The following ARB2A variants were observed in gnomAD, a reference collection of about 807,000 sequenced individuals.
ARB2A encodes ARB2 cotranscriptional regulator A, also known as cotranscriptional regulator ARB2A.
the ARB2A span, among the ~76,000 whole-genome samples, chr5:93,972,505 A>G: frequency 6.6e-6 from 1 of 152,144 alleles, no homozygotes; most frequent in Non-Finnish European, 1.5e-5. Context: ...CAGCTCTCTT[A>G]GATGAGAATG....
chr5:93,879,203 A>G, the ARB2A span, among the ~76,000 whole-genome samples: 1 of 151,972 alleles, frequency 6.6e-6, no homozygotes, highest in East Asian at 1.9e-4. Flanking sequence ...GAATTAATAC[A>G]CCTCACACAA....
the ARB2A span, among the ~76,000 whole-genome samples, chr5:93,915,068 G>A: frequency 2.6e-5 from 4 of 151,990 alleles, no homozygotes; most frequent in African/African-American, 4.8e-5. Context: ...GAAAGATTCC[G>A]TATCACATGA....
the ARB2A span, among the ~76,000 whole-genome samples, chr5:94,104,360 C>CA: frequency 6.6e-6 from 1 of 150,840 alleles, no homozygotes; most frequent in Non-Finnish European, 1.5e-5. Context: ...AAAAAACTCT[C>CA]AGAGACTATT....
At chr5:93,956,092 T>C in the ARB2A span, among the ~76,000 whole-genome samples, 4 of 152,364 alleles carry the variant, frequency 2.6e-5, no homozygotes, top group East Asian at 7.7e-4. Context: ...ATATTAGCGA[T>C]GGCAACCTCA....
chr5:93,993,059 C>T, the ARB2A span, among the ~76,000 whole-genome samples: 2 of 151,958 alleles, frequency 1.3e-5, no homozygotes, highest in Admixed American at 6.6e-5. Context: ...TTAATGAACA[C>T]ATGCGAAGGA....
the ARB2A span, among the ~76,000 whole-genome samples, chr5:94,000,489 G>C: frequency 6.6e-6 from 1 of 151,896 alleles, no homozygotes; most frequent in Non-Finnish European, 1.5e-5. Flanking sequence ...TGACATCTTT[G>C]GCTCATTTAT....
the ARB2A span, among the ~76,000 whole-genome samples, chr5:93,920,148 T>G: frequency 6.6e-6 from 1 of 152,190 alleles, no homozygotes; most frequent in African/African-American, 2.4e-5. Context: ...CTATATACTA[T>G]AGCTTTAGGG....
chr5:93,985,188 C>T, the ARB2A span, among the ~76,000 whole-genome samples: 1 of 152,138 alleles, frequency 6.6e-6, no homozygotes, highest in Non-Finnish European at 1.5e-5. Flanking sequence ...TGCTGTGTTA[C>T]TTTATCACCT....
chr5:93,792,388 AGT>A, the ARB2A span, among the ~76,000 whole-genome samples: 2 of 152,156 alleles, frequency 1.3e-5, no homozygotes, highest in African/African-American at 2.4e-5. Flanking sequence ...TAGATAGAAA[AGT>A]GAGAAAATTT....
chr5:93,883,928 C>T, the ARB2A span, among the ~76,000 whole-genome samples: 114 of 96,532 alleles, frequency 1.2e-3, no homozygotes, highest in Non-Finnish European at 2.0e-3. Context: ...TACACATACA[C>T]ACACACACAC....
At chr5:93,900,427 A>C in the ARB2A span, among the ~76,000 whole-genome samples, 1 of 152,000 alleles carries the variant, frequency 6.6e-6, no homozygotes, top group Non-Finnish European at 1.5e-5. Flanking sequence ...CCTGACCAAC[A>C]CGGTGAAACC....
the ARB2A span, among the ~76,000 whole-genome samples, chr5:93,682,209 G>C: frequency 6.9e-6 from 1 of 144,232 alleles, no homozygotes; most frequent in Non-Finnish European, 1.5e-5. Context: ...GTACTAAATA[G>C]TTTGTCCCTT....
At chr5:93,758,292 A>C in the ARB2A span, among the ~76,000 whole-genome samples, 1 of 152,152 alleles carries the variant, frequency 6.6e-6, no homozygotes, top group East Asian at 1.9e-4. Flanking sequence ...GCAATATAAA[A>C]ATAGTAGGGA....
At chr5:93,728,312 T>C in the ARB2A span, among the ~76,000 whole-genome samples, 1 of 152,054 alleles carries the variant, frequency 6.6e-6, no homozygotes, top group Non-Finnish European at 1.5e-5. Flanking sequence ...CTATTTCATC[T>C]CCAGTATCGT....
chr5:93,882,051 C>T, the ARB2A span, among the ~76,000 whole-genome samples: 5 of 151,260 alleles, frequency 3.3e-5, no homozygotes, highest in Non-Finnish European at 5.9e-5. Context: ...AATATTTATA[C>T]TATCTGTTTT....
chr5:94,093,176 A>G, the ARB2A span, among the ~76,000 whole-genome samples: 1 of 152,186 alleles, frequency 6.6e-6, no homozygotes, highest in East Asian at 1.9e-4. Context: ...AAAAAATTTC[A>G]GATGACTCAA....
At chr5:93,747,851 T>C in the ARB2A span, among the ~76,000 whole-genome samples, 150 of 152,260 alleles carry the variant, frequency 9.9e-4, 2 homozygotes, top group East Asian at 0.022. Context: ...GAAAGCAAGA[T>C]TTCTATTATG....
chr5:93,817,200 A>AGATATGATTTGAATTATT, the ARB2A span, among the ~76,000 whole-genome samples: 1 of 152,122 alleles, frequency 6.6e-6, no homozygotes, highest in African/African-American at 2.4e-5. Flanking sequence ...ATCTACTAGT[A>AGATATGATTTGAATTATT]CTGAATATGA....
At chr5:93,804,904 A>C in the ARB2A span, 1 of 932,232 alleles carries the variant, frequency 1.1e-6, no homozygotes, top group South Asian at 4.9e-5. Flanking sequence ...TTAAAACTTA[A>C]GTTTAAGTAA....
Sources: gnomAD v4.1 joint callset for allele counts (sites outside exome capture counted in the v4.1 genomes callset) on GRCh38, gnomAD v4.1.1 for gene constraint, MANE v1.5 for transcripts, NCBI Gene and HGNC (gene_info 2026-07-23, HGNC 2026-07-21) for gene names.